C17orf99: variants seen among roughly 807,000 people sequenced by gnomAD.
The protein encoded by C17orf99 is chromosome 17 open reading frame 99, also known as protein IL-40.
C17orf99 carries 18 observed loss-of-function variants against 22.6 expected under a neutral mutation model. The ratio of observed to expected loss-of-function variants is 0.80; its 90% confidence interval spans 0.55 to 1.18. C17orf99 has a LOEUF of 1.18. C17orf99 is among the 50% of genes most tolerant of loss of function. C17orf99 has a pLI of 0.00. For missense variants in C17orf99, 328 were observed against 342.7 expected, an observed-to-expected ratio of 0.96 and a Z score of 0.34; for synonymous variants, 147 against 136.6, an observed-to-expected ratio of 1.08 and a Z score of -0.53.
intron 2 of C17orf99, chr17:78,158,226 T>C (rs576274659): frequency 1.9e-5 from 12 of 617,684 alleles, no homozygotes; most frequent in South Asian, 1.5e-4. Flanking sequence ...GCAGCAGTGA[T>C]CCTCCCAAGA....
intron 4 of C17orf99, chr17:78,164,919 A>G (rs1765364134): frequency 2.6e-6 from 3 of 1,160,970 alleles, no homozygotes; most frequent in Non-Finnish European, 3.2e-6. Context: ...CCTGTAACAC[A>G]GTCTGCTGGC....
intron 2 of C17orf99, chr17:78,157,584 G>A: frequency 1.6e-6 from 1 of 611,588 alleles, no homozygotes; most frequent in Non-Finnish European, 2.6e-6. Flanking sequence ...GGATCACAAG[G>A]TCAGGAGATC....
At chr17:78,147,127 G>A (rs1050187750) in intron 2 of C17orf99, among the ~76,000 whole-genome samples, 11 of 152,210 alleles carry the variant, frequency 7.2e-5, no homozygotes, top group South Asian at 6.2e-4. Context: ...GGGGACCTCC[G>A]GGGCACACAG....
At chr17:78,165,522 G>T in intron 4 of C17orf99, 1 of 987,856 alleles carries the variant, frequency 1.0e-6, no homozygotes, top group Non-Finnish European at 1.2e-6. Context: ...CCAGAGGCAG[G>T]CCGGGCACAG....
upstream of C17orf99, chr17:78,146,235 C>T (rs1044230622): frequency 7.0e-6 from 4 of 573,378 alleles, no homozygotes; most frequent in African/African-American, 5.6e-5. This position sits in a 1 kb window ranked among gnomAD's most constrained non-coding sequence, Gnocchi z 5.2. Context: ...CCGGGCCTGC[C>T]GGGGCTCTCT....
Position 78,146,754 on chromosome 17 carries a change from C to A in C17orf99, c.38-125C>A. On this transcript the variant is annotated intron_variant, in intron 1 of 4. Coordinates refer to ENST00000340363, the MANE Select transcript of C17orf99 (RefSeq NM_001163075.2). This position sits in a 1 kb window ranked among gnomAD's most constrained non-coding sequence, Gnocchi z 5.2. Reference sequence around the variant, plus strand: ...TGTGAGTGATGGTGCCAGCTGAGTCCTGGGGCCTCACTACCAAGAATCAGC... The same window carrying A: ...TGTGAGTGATGGTGCCAGCTGAGTCATGGGGCCTCACTACCAAGAATCAGC... 2.2e-6 allele frequency: 2 copies of A among 926,296 alleles called. No homozygotes were observed. The highest frequency in any genetic ancestry group is 1.7e-6 in the Non-Finnish European group (1 of 589,044). 57.4% of individuals were successfully genotyped at this position (926,296 alleles called of 1,614,324 possible). A position where few individuals can be genotyped will look rare whatever the true frequency, so the allele number is the denominator to read the frequency against.
rs2075440262 is a variant in C17orf99, at chr17:78,146,730, G to A, written c.38-149G>A. ...GGGGGAGGGGCGCAAAAGAGCTTTT[G>A]TGAGTGATGGTGCCAGCTGAGTCCT... On this transcript the variant is annotated intron_variant, in intron 1 of 4. Transcript: ENST00000340363. This position sits in a 1 kb window ranked among gnomAD's most constrained non-coding sequence, Gnocchi z 5.2. 5.2e-6 allele frequency: 4 copies of A among 770,794 alleles called. No homozygotes were observed. The Admixed American group carries it at 7.3e-5, about 14-fold the overall frequency. The allele number at this position is 770,794 out of a possible 1,614,324, so 47.7% of individuals were successfully genotyped here.
Position 78,166,094 on chromosome 17 carries a change from A to C in C17orf99, c.*48A>C. 1 of 605,670 alleles carries C rather than the reference A, an allele frequency of 1.7e-6. No individual in the cohort carries two copies. Among genetic ancestry groups the C allele is most frequent in the South Asian group, 7.5e-5 (1 of 13,246 alleles). 37.5% of individuals were successfully genotyped at this position (605,670 alleles called of 1,614,324 possible). ...GCACGGCAGAGGACTGCAGGCCATC[A>C]GCGTGCACTGTTCGTATTTGGAGTT... On this transcript the variant is annotated 3_prime_UTR_variant, in exon 5 of 5. Coordinates refer to ENST00000340363, the MANE Select transcript of C17orf99 (RefSeq NM_001163075.2).
In C17orf99 at chr17:78,165,902, G is replaced by A. The variant is rs2075613611; in HGVS notation, c.654G>A (p.Lys218=). 1 of 1,360,146 alleles carries A rather than the reference G, an allele frequency of 7.4e-7. No individual in the cohort carries two copies. Among genetic ancestry groups the A allele is most frequent in the Non-Finnish European group, 9.6e-7 (1 of 1,039,116 alleles). The allele number at this position is 1,360,146 out of a possible 1,614,324, so 84.3% of individuals were successfully genotyped here. ...LTVVPPGGDQ[K]MEDWQGPLES... ...TGCTTTGTCAAGGTGGTGACCAGAAGATGGAGGACTGGCAGGGTCCCCTGG... is the reference window on the plus strand; with the variant it reads ...TGCTTTGTCAAGGTGGTGACCAGAAAATGGAGGACTGGCAGGGTCCCCTGG... The change falls in exon 5 of 5, where the codon AAG becomes AAA. Residue 218 remains lysine (K), a synonymous_variant. Transcript: ENST00000340363.
At position 78,164,105 on chromosome 17, in the gene C17orf99, T is replaced by C. The variant is rs760480734; in HGVS notation, c.381T>C (p.Ser127=). 15 of 1,551,618 alleles carry C rather than the reference T, an allele frequency of 9.7e-6. No homozygotes were observed. In the Middle Eastern group the frequency reaches 8.3e-4, roughly 86 times the overall value. ...MHWELWSKPV[S]ELRANFTLQD... The stretch of plus-strand genomic sequence containing the variant: ...CTCCCACCCTGCCAGAGCCAGTGTC[T>C]GAGCTGCGGGCCAACTTCACTCTGC... The change falls in exon 4 of 5, where the codon TCT becomes TCC. Residue 127 remains serine (S), a synonymous_variant. Coordinates refer to ENST00000340363, the MANE Select transcript of C17orf99 (RefSeq NM_001163075.2).
In C17orf99 at chr17:78,156,881, G is replaced by A. The variant is rs555437646; in HGVS notation, c.71-4074G>A. ...GTCCACCTCAGCCTCCCAAAGTGCT[G>A]GGATTCCAGGCGCAGTGGCCACCGT... On this transcript the variant is annotated intron_variant, in intron 2 of 4. Coordinates refer to ENST00000340363, the MANE Select transcript of C17orf99 (RefSeq NM_001163075.2). 9.9e-5 allele frequency among the ~76,000 whole-genome samples: 15 copies of A among 152,058 alleles called. No homozygotes were observed. In the East Asian group the frequency reaches 2.7e-3, roughly 27 times the overall value.
intron 2 of C17orf99, among the ~76,000 whole-genome samples, chr17:78,155,211 C>T (rs2075516513): frequency 6.6e-6 from 1 of 151,554 alleles, no homozygotes. Context: ...CAAAAATGTC[C>T]CCAGACCCAA....
At chr17:78,165,013 C>G in intron 4 of C17orf99, 1 of 1,081,140 alleles carries the variant, frequency 9.2e-7, no homozygotes, top group Non-Finnish European at 1.1e-6. Context: ...CAAGGTGGAC[C>G]AGGAGCTCCT....
At chr17:78,157,798 GAAA>G (rs60891763) in intron 2 of C17orf99, 34,225 of 364,308 alleles carry the variant, frequency 0.094, 769 homozygotes, top group African/African-American at 0.19. Context: ...CTCTGTCTCG[GAAA>G]AAAAAAAAAA....
chr17:78,147,899 C>A (rs2075448812), intron 2 of C17orf99, among the ~76,000 whole-genome samples: 1 of 152,188 alleles, frequency 6.6e-6, no homozygotes, highest in South Asian at 2.1e-4. Flanking sequence ...CTCCCGACTT[C>A]TCTGATTCTT....
chr17:78,152,223 G>A (rs1195446498), intron 2 of C17orf99, among the ~76,000 whole-genome samples: 2 of 152,152 alleles, frequency 1.3e-5, no homozygotes, highest in Non-Finnish European at 2.9e-5. Context: ...CTGTCACCCA[G>A]GCTGGAGTGC....
chr17:78,149,733 G>A (rs1016702138), intron 2 of C17orf99, among the ~76,000 whole-genome samples: 14 of 148,814 alleles, frequency 9.4e-5, no homozygotes, highest in Non-Finnish European at 4.5e-5. Flanking sequence ...TTTTTGAGAC[G>A]GGGTCTCGCT....
At position 78,146,387 on chromosome 17, in the gene C17orf99, A is replaced by G; in HGVS notation, c.-21A>G. Reference sequence around the variant, plus strand: ...TAGGAGGTTCTCACTGCCCGAGCAGAGGCCCTACACCCACCGAGGCATGGG... The same window carrying G: ...TAGGAGGTTCTCACTGCCCGAGCAGGGGCCCTACACCCACCGAGGCATGGG... On this transcript the variant is annotated 5_prime_UTR_variant, in exon 1 of 5. Transcript: ENST00000340363. This position sits in a 1 kb window ranked among gnomAD's most constrained non-coding sequence, Gnocchi z 5.2. 2 of 1,548,776 alleles carry G rather than the reference A, an allele frequency of 1.3e-6. No individual in the cohort carries two copies.
upstream of C17orf99, among the ~76,000 whole-genome samples, chr17:78,145,697 G>A (rs906376944): frequency 3.9e-5 from 6 of 152,130 alleles, no homozygotes; most frequent in African/African-American, 1.2e-4. Context: ...CATGTAGGAC[G>A]GGCTCCTCCT....
Sources: allele counts gnomAD v4.1 joint callset (sites outside exome capture counted in the v4.1 genomes callset), GRCh38; gene constraint gnomAD v4.1.1; non-coding constraint Gnocchi (gnomAD v3.1); transcripts MANE v1.5; gene names NCBI Gene and HGNC (gene_info 2026-07-23, HGNC 2026-07-21).